The following LOC128125817 variants were observed in gnomAD, a reference collection of about 807,000 sequenced individuals.
At chr1:41,624,830 T>C in the LOC128125817 span, among the ~76,000 whole-genome samples, 8 of 152,188 alleles carry the variant, frequency 5.3e-5, no homozygotes, top group Non-Finnish European at 1.0e-4. Flanking sequence ...AGGCAAGCTG[T>C]TAACAATCTG....
At chr1:41,614,485 C>T in the LOC128125817 span, among the ~76,000 whole-genome samples, 387 of 152,290 alleles carry the variant, frequency 2.5e-3, 7 homozygotes, top group South Asian at 0.041. Context: ...TTCAGTTCCT[C>T]GTAGGAAGTC....
At chr1:41,589,963 A>G in the LOC128125817 span, among the ~76,000 whole-genome samples, 1 of 152,258 alleles carries the variant, frequency 6.6e-6, no homozygotes, top group Non-Finnish European at 1.5e-5. Flanking sequence ...CACAGGCTGA[A>G]GAGGAGGCAC....
chr1:41,597,773 AC>A, the LOC128125817 span, among the ~76,000 whole-genome samples: 3 of 152,130 alleles, frequency 2.0e-5, no homozygotes, highest in African/African-American at 7.2e-5. Context: ...AAGCTTGTTA[AC>A]CTTTTTTTAC....
chr1:41,586,017 C>A, the LOC128125817 span, among the ~76,000 whole-genome samples: 1 of 152,220 alleles, frequency 6.6e-6, no homozygotes, highest in East Asian at 1.9e-4. Flanking sequence ...ACTGCCACAG[C>A]CTGTGAGAAC....
the LOC128125817 span, among the ~76,000 whole-genome samples, chr1:41,602,764 C>A: frequency 0.015 from 2,339 of 151,558 alleles, 68 homozygotes; most frequent in African/African-American, 0.053. Flanking sequence ...TTCTGTTAAC[C>A]TTGGCCTTAA....
At chr1:41,588,638 C>A in the LOC128125817 span, among the ~76,000 whole-genome samples, 2 of 152,048 alleles carry the variant, frequency 1.3e-5, no homozygotes, top group African/African-American at 2.4e-5. Context: ...GTGGGCTGGA[C>A]ATGGTGTTTC....
At chr1:41,622,028 C>A in the LOC128125817 span, among the ~76,000 whole-genome samples, 271 of 152,350 alleles carry the variant, frequency 1.8e-3, 1 homozygote, top group African/African-American at 6.3e-3. Context: ...TTGACTGGCT[C>A]ATATCCTAGC....
the LOC128125817 span, among the ~76,000 whole-genome samples, chr1:41,587,975 C>T: frequency 1.3e-4 from 20 of 152,144 alleles, no homozygotes; most frequent in Non-Finnish European, 2.5e-4. Flanking sequence ...AATAGAGTTG[C>T]CCTTTCAACC....
At chr1:41,609,305 C>T in the LOC128125817 span, among the ~76,000 whole-genome samples, 40 of 152,364 alleles carry the variant, frequency 2.6e-4, no homozygotes, top group South Asian at 8.3e-3. Context: ...ACCTGGGCCC[C>T]CACCGATGCA....
At chr1:41,597,837 A>G in the LOC128125817 span, among the ~76,000 whole-genome samples, 1 of 152,254 alleles carries the variant, frequency 6.6e-6, no homozygotes, top group East Asian at 1.9e-4. Context: ...CATTGAGACC[A>G]AAAATGAACT....
chr1:41,614,014 G>A, the LOC128125817 span, among the ~76,000 whole-genome samples: 15 of 152,260 alleles, frequency 9.9e-5, no homozygotes, highest in Admixed American at 5.2e-4. Context: ...GCACCCTGAC[G>A]CCCAGGCCAC....
At chr1:41,614,245 AAATAT>A in the LOC128125817 span, among the ~76,000 whole-genome samples, 1 of 152,226 alleles carries the variant, frequency 6.6e-6, no homozygotes, top group South Asian at 2.1e-4. Context: ...AGCTGCCTGA[AAATAT>A]AATTATCTGG....
At chr1:41,623,172 A>C in the LOC128125817 span, among the ~76,000 whole-genome samples, 1 of 152,322 alleles carries the variant, frequency 6.6e-6, no homozygotes, top group Non-Finnish European at 1.5e-5. Context: ...CAAATCCTCT[A>C]AAGGAGAAAA....
At chr1:41,592,955 C>G in the LOC128125817 span, among the ~76,000 whole-genome samples, 5 of 152,196 alleles carry the variant, frequency 3.3e-5, no homozygotes, top group Non-Finnish European at 7.3e-5. Context: ...TGCTGACCCT[C>G]TCTTGGGCTG....
the LOC128125817 span, among the ~76,000 whole-genome samples, chr1:41,618,218 C>G: frequency 6.6e-6 from 1 of 152,208 alleles, no homozygotes; most frequent in Non-Finnish European, 1.5e-5. Context: ...CCCGGAGCCA[C>G]CAGGCTTGCC....
chr1:41,593,096 G>A, the LOC128125817 span, among the ~76,000 whole-genome samples: 2 of 152,178 alleles, frequency 1.3e-5, no homozygotes, highest in Non-Finnish European at 2.9e-5. Flanking sequence ...AAAGACCAAC[G>A]ACAGAACAGA....
chr1:41,595,788 C>T, the LOC128125817 span, among the ~76,000 whole-genome samples: 8 of 152,152 alleles, frequency 5.3e-5, no homozygotes, highest in South Asian at 2.1e-4. Context: ...GGCTTAGCCT[C>T]CTGGCCTACA....
At chr1:41,599,110 C>T in the LOC128125817 span, among the ~76,000 whole-genome samples, 1 of 152,148 alleles carries the variant, frequency 6.6e-6, no homozygotes, top group African/African-American at 2.4e-5. Flanking sequence ...AGCCACCACA[C>T]CCAGTCTCAG....
the LOC128125817 span, among the ~76,000 whole-genome samples, chr1:41,603,786 A>T: frequency 6.6e-6 from 1 of 152,230 alleles, no homozygotes; most frequent in Non-Finnish European, 1.5e-5. Context: ...CTTGAAAAGA[A>T]TGTGTATTCT....
Sources: gnomAD v4.1 joint callset for allele counts (sites outside exome capture counted in the v4.1 genomes callset) on GRCh38, gnomAD v4.1.1 for gene constraint, MANE v1.5 for transcripts.